TAS2R1: variants seen among roughly 807,000 people sequenced by gnomAD.
TAS2R1 encodes taste receptor type 2 member 1.
For synonymous variants in TAS2R1, 141 were observed against 134.2 expected, an observed-to-expected ratio of 1.05 and a Z score of -0.35; for missense variants, 370 against 353.4, an observed-to-expected ratio of 1.05 and a Z score of -0.38.
At chr5:9,803,536 C>A in the TAS2R1 span, among the ~76,000 whole-genome samples, 2 of 152,170 alleles carry the variant, frequency 1.3e-5, no homozygotes, top group African/African-American at 4.8e-5. Context: ...AGATTAACAG[C>A]AGACTTCTCA....
intron 1 of TAS2R1, among the ~76,000 whole-genome samples, chr5:9,685,027 G>A (rs776221258): frequency 2.6e-4 from 39 of 152,216 alleles, no homozygotes; most frequent in Non-Finnish European, 4.3e-4. Context: ...AACAGGGCCT[G>A]GAAGCTCACA....
chr5:9,685,948 C>A (rs994699155), intron 1 of TAS2R1, among the ~76,000 whole-genome samples: 2 of 152,224 alleles, frequency 1.3e-5, no homozygotes, highest in South Asian at 4.1e-4. Context: ...CCACTGCAAC[C>A]TCCACCTCCT....
the TAS2R1 span, among the ~76,000 whole-genome samples, chr5:9,798,699 G>A: frequency 6.6e-6 from 1 of 152,186 alleles, no homozygotes; most frequent in Non-Finnish European, 1.5e-5. Context: ...TAACTCATGA[G>A]CCTGGGTCAC....
chr5:9,748,998 A>G, the TAS2R1 span, among the ~76,000 whole-genome samples: 3 of 152,090 alleles, frequency 2.0e-5, no homozygotes, highest in Non-Finnish European at 2.9e-5. Context: ...CTAGCTCTCT[A>G]TTATGAAAAT....
At chr5:9,773,368 C>T in the TAS2R1 span, among the ~76,000 whole-genome samples, 5 of 152,008 alleles carry the variant, frequency 3.3e-5, no homozygotes, top group African/African-American at 1.2e-4. Context: ...CTGTATGTAA[C>T]GTCTATTTCT....
At chr5:9,716,271 C>T (rs535607926), upstream of TAS2R1, among the ~76,000 whole-genome samples, 1 of 152,250 alleles carries the variant, frequency 6.6e-6, no homozygotes, top group African/African-American at 2.4e-5. Context: ...GGTGGGGAAA[C>T]TGGGATTCAA....
At chr5:9,687,207 G>C (rs1347692013) in intron 1 of TAS2R1, among the ~76,000 whole-genome samples, 1 of 152,078 alleles carries the variant, frequency 6.6e-6, no homozygotes, top group African/African-American at 2.4e-5. Context: ...CCGACCTCAG[G>C]TGATTGCTCG....
At chr5:9,827,303 C>T in the TAS2R1 span, among the ~76,000 whole-genome samples, 2 of 152,196 alleles carry the variant, frequency 1.3e-5, no homozygotes, top group Admixed American at 6.5e-5. Context: ...AACACGACAT[C>T]GCTGTACATC....
At chr5:9,669,983 ATAAG>A (rs1740717461) in intron 1 of TAS2R1, among the ~76,000 whole-genome samples, 1 of 152,258 alleles carries the variant, frequency 6.6e-6, no homozygotes, top group East Asian at 1.9e-4. Flanking sequence ...TTTTGAAAGA[ATAAG>A]TAAGATTGTT....
chr5:9,644,715 C>A (rs1163355338), intron 2 of TAS2R1, among the ~76,000 whole-genome samples: 2 of 152,112 alleles, frequency 1.3e-5, no homozygotes, highest in African/African-American at 4.8e-5. Flanking sequence ...AGATTGCCAG[C>A]TGGAGTATCT....
At chr5:9,773,447 G>A in the TAS2R1 span, among the ~76,000 whole-genome samples, 1 of 152,144 alleles carries the variant, frequency 6.6e-6, no homozygotes, top group Non-Finnish European at 1.5e-5. Context: ...GATATGAGTA[G>A]TTTACACACC....
chr5:9,677,366 A>G (rs1740897112), intron 1 of TAS2R1, among the ~76,000 whole-genome samples: 1 of 152,126 alleles, frequency 6.6e-6, no homozygotes, highest in South Asian at 2.1e-4. Context: ...ACACAAGTTC[A>G]CCTATGTAAC....
the TAS2R1 span, among the ~76,000 whole-genome samples, chr5:9,845,567 T>C: frequency 6.6e-6 from 1 of 152,200 alleles, no homozygotes; most frequent in Non-Finnish European, 1.5e-5. Flanking sequence ...GTGCCAAGTA[T>C]GGTGCATTAA....
chr5:9,683,102 A>G (rs376337888), intron 1 of TAS2R1, among the ~76,000 whole-genome samples: 8 of 152,178 alleles, frequency 5.3e-5, no homozygotes, highest in African/African-American at 1.4e-4. Flanking sequence ...TGCCTTTTAT[A>G]TACCATTGAA....
At chr5:9,726,885 C>T in the TAS2R1 span, among the ~76,000 whole-genome samples, 6 of 152,360 alleles carry the variant, frequency 3.9e-5, no homozygotes, top group East Asian at 1.2e-3. Context: ...TAGCACCATG[C>T]ATTCTCCATA....
chr5:9,813,305 C>T, the TAS2R1 span, among the ~76,000 whole-genome samples: 118,934 of 152,154 alleles, frequency 0.78, 46,663 homozygotes, highest in East Asian at 0.87. Context: ...GCTTCCACAA[C>T]TGTGAGACAA....
rs184141981 is a variant in TAS2R1, at chr5:9,664,604, A to G, written c.-241-5023T>C. On this transcript the variant is annotated intron_variant, in intron 1 of 2. Transcript: ENST00000506620. The stretch of plus-strand genomic sequence containing the variant: ...CAGTTATTTTCTTCCACCCATTAAA[A>G]TGCAAATTGGTATTTCTATGTAACA... Among the ~76,000 whole-genome samples the G allele has an allele frequency of 2.6e-5, 4 of 152,338 alleles. No homozygotes were observed. In the East Asian group the frequency reaches 7.7e-4, roughly 29 times the overall value.
intron 1 of TAS2R1, among the ~76,000 whole-genome samples, chr5:9,683,994 T>C (rs1020309780): frequency 6.6e-6 from 1 of 151,652 alleles, no homozygotes; most frequent in South Asian, 2.1e-4. Flanking sequence ...GCAGGGATTA[T>C]AGGAGAAGAC....
At chr5:9,842,515 G>T in the TAS2R1 span, among the ~76,000 whole-genome samples, 2 of 151,696 alleles carry the variant, frequency 1.3e-5, no homozygotes, top group Non-Finnish European at 2.9e-5. Flanking sequence ...TAGAGAAGGG[G>T]TTCCACCATG....
Sources: allele counts gnomAD v4.1 joint callset (sites outside exome capture counted in the v4.1 genomes callset), GRCh38; gene constraint gnomAD v4.1.1; transcripts MANE v1.5; gene names NCBI Gene and HGNC (gene_info 2026-07-23, HGNC 2026-07-21).